Variants in BRD10 observed in about 807,000 individuals in gnomAD.
The protein encoded by BRD10 is uncharacterized bromodomain-containing protein 10.
chr9:5,953,902 T>A, the BRD10 span: 1 of 681,942 alleles, frequency 1.5e-6, no homozygotes, highest in East Asian at 2.8e-5. Context: ...TCAGAAACAT[T>A]TCATTACAAG....
At chr9:6,004,571 A>C in the BRD10 span, among the ~76,000 whole-genome samples, 3 of 152,252 alleles carry the variant, frequency 2.0e-5, no homozygotes, top group Admixed American at 6.5e-5. Flanking sequence ...GTCTCTTTAC[A>C]CTTTGAAAAT....
chr9:5,921,037 A>C, the BRD10 span: 1 of 1,613,940 alleles, frequency 6.2e-7, no homozygotes. Flanking sequence ...CGGTAACTGA[A>C]AGCACATTTA....
chr9:5,920,968 T>C, the BRD10 span: 3 of 1,614,004 alleles, frequency 1.9e-6, no homozygotes, highest in Non-Finnish European at 2.5e-6. Flanking sequence ...CAGGAGGTTG[T>C]GCCCCAGCTG....
the BRD10 span, among the ~76,000 whole-genome samples, chr9:5,985,911 T>A: frequency 6.6e-6 from 1 of 152,184 alleles, no homozygotes; most frequent in Admixed American, 6.5e-5. Context: ...AGATGGCATT[T>A]ATGGCTAATT....
chr9:5,936,524 G>A, the BRD10 span, among the ~76,000 whole-genome samples: 4 of 152,148 alleles, frequency 2.6e-5, no homozygotes, highest in African/African-American at 9.7e-5. Context: ...ATCCACATGT[G>A]TACTTTGTGC....
At chr9:5,998,344 G>A in the BRD10 span, among the ~76,000 whole-genome samples, 1 of 151,980 alleles carries the variant, frequency 6.6e-6, no homozygotes, top group African/African-American at 2.4e-5. Flanking sequence ...TTGCTAAAAA[G>A]TCTACATATA....
At chr9:6,008,045 G>T in the BRD10 span, 1 of 1,140,444 alleles carries the variant, frequency 8.8e-7, no homozygotes, top group Non-Finnish European at 1.1e-6. Context: ...CTCCCCCCCG[G>T]CGGCGGCGCG....
At chr9:5,996,486 T>C in the BRD10 span, among the ~76,000 whole-genome samples, 2 of 152,084 alleles carry the variant, frequency 1.3e-5, no homozygotes, top group African/African-American at 4.8e-5. Flanking sequence ...GCCTGGCTAA[T>C]TTTTGTATGT....
At chr9:5,925,362 A>G in the BRD10 span, among the ~76,000 whole-genome samples, 4 of 150,756 alleles carry the variant, frequency 2.7e-5, no homozygotes, top group African/African-American at 7.3e-5. Context: ...CCATCTCAAA[A>G]AAAAAAAAAA....
chr9:5,965,728 G>T, the BRD10 span, among the ~76,000 whole-genome samples: 3 of 152,250 alleles, frequency 2.0e-5, no homozygotes, highest in South Asian at 4.1e-4. Context: ...AGGACAATGT[G>T]AATCTTTAAG....
the BRD10 span, among the ~76,000 whole-genome samples, chr9:6,001,964 A>G: frequency 6.6e-6 from 1 of 152,222 alleles, no homozygotes; most frequent in Non-Finnish European, 1.5e-5. Flanking sequence ...AATTTCTTCA[A>G]TTAAGGGTTC....
chr9:5,959,045 G>A, the BRD10 span, among the ~76,000 whole-genome samples: 9 of 151,934 alleles, frequency 5.9e-5, no homozygotes, highest in Admixed American at 1.3e-4. Context: ...ATTCTTTAAC[G>A]CTATCACATA....
At chr9:5,942,192 A>T in the BRD10 span, among the ~76,000 whole-genome samples, 17 of 152,108 alleles carry the variant, frequency 1.1e-4, no homozygotes, top group Admixed American at 2.6e-4. Context: ...TAGTGAAGGA[A>T]GGCTTCCTAT....
the BRD10 span, among the ~76,000 whole-genome samples, chr9:6,000,385 C>A: frequency 6.6e-6 from 1 of 152,012 alleles, no homozygotes; most frequent in Admixed American, 6.6e-5. Context: ...ATGAAAATGG[C>A]TATTATTTGT....
the BRD10 span, among the ~76,000 whole-genome samples, chr9:5,931,750 A>G: frequency 6.6e-6 from 1 of 152,240 alleles, no homozygotes; most frequent in East Asian, 1.9e-4. Flanking sequence ...AAAGACTGAT[A>G]AAATGCTTTG....
chr9:5,920,799 G>C, the BRD10 span: 3 of 1,613,854 alleles, frequency 1.9e-6, no homozygotes, highest in African/African-American at 2.7e-5. Context: ...AAACATTTAG[G>C]AGACACTACT....
the BRD10 span, chr9:5,891,197 G>A: frequency 1.3e-5 from 2 of 152,246 alleles, no homozygotes; most frequent in Non-Finnish European, 2.9e-5. Context: ...CAGCCTCCCT[G>A]AGGTAGATGT....
the BRD10 span, chr9:5,954,036 G>T: frequency 6.4e-7 from 1 of 1,568,132 alleles, no homozygotes; most frequent in Non-Finnish European, 8.7e-7. Context: ...GGTACAGTAG[G>T]TGACTTTATG....
chr9:5,918,642 C>CTTT, the BRD10 span, among the ~76,000 whole-genome samples: 8 of 134,026 alleles, frequency 6.0e-5, no homozygotes, highest in African/African-American at 1.1e-4. Context: ...CCGTTAGTGG[C>CTTT]TTTTTTTTTT....
Sources: gnomAD v4.1 joint callset for allele counts (sites outside exome capture counted in the v4.1 genomes callset) on GRCh38, gnomAD v4.1.1 for gene constraint, MANE v1.5 for transcripts, NCBI Gene and HGNC (gene_info 2026-07-23, HGNC 2026-07-21) for gene names.